The following SRBD1 variants were observed in gnomAD, a reference collection of about 807,000 sequenced individuals.
SRBD1 encodes the protein S1 RNA-binding domain-containing protein 1.
SRBD1 carries 88 observed loss-of-function variants against 115.3 expected under a neutral mutation model. The ratio of observed to expected loss-of-function variants is 0.76; its 90% confidence interval spans 0.64 to 0.91. The LOEUF (loss-of-function observed/expected upper bound fraction) is 0.91. Among genes scored for constraint, SRBD1 ranks in the 40% least tolerant of loss-of-function variants. The probability of loss-of-function intolerance (pLI) is 0.00; values close to 1 mark genes in which losing one functional copy is unlikely to be tolerated. For missense variants in SRBD1, 1,385 were observed against 1,177.4 expected (o/e 1.18, Z -2.58); for synonymous variants, 509 against 407.7 (o/e 1.25, Z -2.99).
intron 16 of SRBD1, among the ~76,000 whole-genome samples, chr2:45,470,816 C>T (rs1669627044): frequency 6.6e-6 from 1 of 152,092 alleles, no homozygotes; most frequent in Non-Finnish European, 1.5e-5. Flanking sequence ...ACACTGGCTG[C>T]CTCTCTCTCC....
chr2:45,499,685 C>T (rs965260803), intron 14 of SRBD1, among the ~76,000 whole-genome samples: 9 of 152,010 alleles, frequency 5.9e-5, no homozygotes, highest in Admixed American at 2.0e-4. Context: ...TGGTAAAAAA[C>T]GGGGATCTAG....
chr2:45,513,616 CTTGATCAT>C (rs1671035557), intron 14 of SRBD1, among the ~76,000 whole-genome samples: 1 of 152,046 alleles, frequency 6.6e-6, no homozygotes. Flanking sequence ...CTCTGGCTGG[CTTGATCAT>C]TGAGCCCTCA....
At chr2:45,487,524 G>A (rs551230963) in intron 15 of SRBD1, among the ~76,000 whole-genome samples, 2 of 152,140 alleles carry the variant, frequency 1.3e-5, no homozygotes, top group South Asian at 4.1e-4. Flanking sequence ...TAAACTGAAA[G>A]TCTGTGTACT....
intron 14 of SRBD1, among the ~76,000 whole-genome samples, chr2:45,489,925 G>T (rs989336706): frequency 4.6e-5 from 7 of 152,088 alleles, no homozygotes; most frequent in Non-Finnish European, 1.5e-5. Context: ...TCAAACAAAA[G>T]ATCTAGAAGA....
intron 7 of SRBD1, 126 bp from the exon 8 acceptor site, chr2:45,574,849 G>T: frequency 1.3e-6 from 1 of 764,042 alleles, no homozygotes. Context: ...TCTTAAGACA[G>T]AAAGATATTG....
chr2:45,407,446 G>C (rs1429807986), intron 19 of SRBD1, among the ~76,000 whole-genome samples: 1 of 152,132 alleles, frequency 6.6e-6, no homozygotes, highest in Admixed American at 6.5e-5. Flanking sequence ...GCTTCACAAA[G>C]GGTACTTTCT....
At chr2:45,407,242 G>A (rs1355547367) in intron 19 of SRBD1, among the ~76,000 whole-genome samples, 2 of 152,206 alleles carry the variant, frequency 1.3e-5, no homozygotes, top group African/African-American at 4.8e-5. Context: ...AGTAGTCAAT[G>A]AAGGTTGTTT....
At chr2:45,510,375 T>C (rs1025406371) in intron 14 of SRBD1, among the ~76,000 whole-genome samples, 1 of 152,200 alleles carries the variant, frequency 6.6e-6, no homozygotes, top group Non-Finnish European at 1.5e-5. Context: ...TAAAGGAGCA[T>C]ACAATTCACA....
intron 5 of SRBD1, among the ~76,000 whole-genome samples, chr2:45,583,260 T>C (rs1673421561): frequency 6.6e-6 from 1 of 151,550 alleles, no homozygotes; most frequent in Admixed American, 6.6e-5. Flanking sequence ...AAGAGAAGAA[T>C]ATAAATTAAA....
chr2:45,455,831 A>T (rs1417658456), intron 16 of SRBD1, among the ~76,000 whole-genome samples: 1 of 151,804 alleles, frequency 6.6e-6, no homozygotes, highest in Non-Finnish European at 1.5e-5. Context: ...TAAACAGCAA[A>T]TTTTCTTTCC....
At chr2:45,585,829 C>G (rs1673504248) in intron 4 of SRBD1, 55 bp from the exon 5 acceptor site, 1 of 1,364,728 alleles carries the variant, frequency 7.3e-7, no homozygotes, top group African/African-American at 1.5e-5. Flanking sequence ...ACATCTATAT[C>G]ATGTATAATT....
At chr2:45,400,391 G>A (rs1158968346) in intron 19 of SRBD1, among the ~76,000 whole-genome samples, 2 of 152,050 alleles carry the variant, frequency 1.3e-5, no homozygotes. Flanking sequence ...GATGGAAGAG[G>A]CTGAAGCAAG....
rs147032586 is a variant in SRBD1 at position 45,573,258 on chromosome 2, A to C, written c.1254T>G (p.Phe418Leu). 6.2e-7 allele frequency: 1 copy of C among 1,612,274 alleles called. No homozygotes were observed. The highest frequency in any genetic ancestry group is 1.7e-5 in the Admixed American group (1 of 59,764). The change falls in exon 9 of 21, where the codon TTT (phenylalanine) becomes TTG (leucine). Residue 418 changes from phenylalanine to leucine, a missense_variant. By Grantham distance (22) the Phe-to-Leu change is conservative. Coordinates refer to ENST00000263736, the MANE Select transcript of SRBD1 (RefSeq NM_018079.5). ...TGCAGGAAAAATGCTGGTAGAGCAG[A>C]AACTTATCAACATCTTTCTCATTTA... Reference protein sequence around the residue: ...KKVNEKDVDKFLLYQHFSCNI... With the variant: ...KKVNEKDVDKLLLYQHFSCNI...
At chr2:45,426,637 A>G (rs1668163895) in intron 16 of SRBD1, among the ~76,000 whole-genome samples, 1 of 152,102 alleles carries the variant, frequency 6.6e-6, no homozygotes, top group Admixed American at 6.5e-5. Flanking sequence ...CTCTAGGACA[A>G]AGCTTCCAGA....
At chr2:45,501,053 C>T (rs1339815873) in intron 14 of SRBD1, among the ~76,000 whole-genome samples, 4 of 152,176 alleles carry the variant, frequency 2.6e-5, no homozygotes, top group South Asian at 2.1e-4. Flanking sequence ...GAGGTATGTT[C>T]CTTCTCCACC....
intron 16 of SRBD1, among the ~76,000 whole-genome samples, chr2:45,444,682 G>T (rs1471790427): frequency 6.6e-6 from 1 of 152,038 alleles, no homozygotes; most frequent in African/African-American, 2.4e-5. Flanking sequence ...ATGTTAGTTG[G>T]CATCATAATT....
At chr2:45,506,681 T>C (rs1670809024) in intron 14 of SRBD1, among the ~76,000 whole-genome samples, 1 of 152,168 alleles carries the variant, frequency 6.6e-6, no homozygotes, top group Admixed American at 6.5e-5. Flanking sequence ...CAGATCTTCT[T>C]CTAAGACCAA....
At chr2:45,444,472 T>G (rs1481801927) in intron 16 of SRBD1, among the ~76,000 whole-genome samples, 2 of 152,246 alleles carry the variant, frequency 1.3e-5, no homozygotes, top group Non-Finnish European at 2.9e-5. Flanking sequence ...AGTGGTAATT[T>G]TTTTTAAATC....
At chr2:45,564,443 G>C (rs1420882461) in intron 9 of SRBD1, among the ~76,000 whole-genome samples, 4 of 152,118 alleles carry the variant, frequency 2.6e-5, no homozygotes, top group African/African-American at 9.7e-5. Context: ...ATCTATATTG[G>C]AAAGGAAGAT....
Sources: allele counts gnomAD v4.1 joint callset (sites outside exome capture counted in the v4.1 genomes callset), GRCh38; gene constraint gnomAD v4.1.1; transcripts MANE v1.5; gene names NCBI Gene and HGNC (gene_info 2026-07-23, HGNC 2026-07-21).